SPATS2: variants seen among roughly 807,000 people sequenced by gnomAD.
SPATS2 encodes spermatogenesis associated serine rich 2.
A neutral mutation model predicts 63.7 loss-of-function variants in SPATS2; 38 were observed. The observed-to-expected ratio is 0.60, with a 90% confidence interval of 0.46 to 0.78. SPATS2 has a LOEUF of 0.78. Ranked by LOEUF, SPATS2 falls within the 30% of genes least tolerant of loss-of-function variation. SPATS2 has a pLI of 0.00. For synonymous variants in SPATS2, 207 were observed against 232.9 expected, an observed-to-expected ratio of 0.89 and a Z score of 1.01; for missense variants, 588 against 666.2, an observed-to-expected ratio of 0.88 and a Z score of 1.29.
chr12:49,521,137 C>A (rs1159209675), intron 11 of SPATS2, among the ~76,000 whole-genome samples: 1 of 152,202 alleles, frequency 6.6e-6, no homozygotes, highest in Non-Finnish European at 1.5e-5. Context: ...AAACTGCAAG[C>A]TGTAACAAAG....
At chr12:49,371,144 C>A (rs2137131831) in intron 1 of SPATS2, 84 bp from the exon 2 acceptor site, 1 of 152,366 alleles carries the variant, frequency 6.6e-6, no homozygotes, top group African/African-American at 2.4e-5. Flanking sequence ...TCACCACCAT[C>A]CATCTTGGGA....
chr12:49,381,643 T>G (rs954097757), intron 2 of SPATS2, among the ~76,000 whole-genome samples: 37 of 152,254 alleles, frequency 2.4e-4, no homozygotes, highest in Admixed American at 2.0e-4. Flanking sequence ...TGCCCTGTTA[T>G]GCGACATTTG....
chr12:49,403,397 G>A (rs986366164), intron 2 of SPATS2, among the ~76,000 whole-genome samples: 4 of 152,126 alleles, frequency 2.6e-5, no homozygotes, highest in Non-Finnish European at 5.9e-5. Context: ...GGAGGCCGAG[G>A]TGGGTGGATC....
At chr12:49,398,051 G>T (rs912232707) in intron 2 of SPATS2, among the ~76,000 whole-genome samples, 21 of 144,682 alleles carry the variant, frequency 1.5e-4, no homozygotes, top group Non-Finnish European at 4.5e-5. Flanking sequence ...TGAGGTGTGA[G>T]GATTGCTTGG....
At chr12:49,410,731 G>A (rs1408212448) in intron 2 of SPATS2, among the ~76,000 whole-genome samples, 1 of 151,914 alleles carries the variant, frequency 6.6e-6, no homozygotes, top group Non-Finnish European at 1.5e-5. Context: ...AGATGCTGGG[G>A]AATATAGTGG....
chr12:49,376,419 C>CA (rs1191774249), intron 2 of SPATS2, among the ~76,000 whole-genome samples: 1 of 151,000 alleles, frequency 6.6e-6, no homozygotes, highest in Non-Finnish European at 1.5e-5. Context: ...TTTTTTAAGT[C>CA]AGAGTCTTGC....
rs868346157 is a variant in SPATS2, at chr12:49,455,723, G to A, written c.-243-5047G>A. Among the ~76,000 whole-genome samples the A allele has an allele frequency of 5.9e-5, 9 of 152,332 alleles. No individual in the cohort carries two copies. The South Asian group carries it at 1.2e-3, about 21-fold the overall frequency. On this transcript the variant is annotated intron_variant, in intron 2 of 13. Transcript: ENST00000552918. The stretch of plus-strand genomic sequence containing the variant: ...TGCAGCCTCGACCTCCTGGGCTCAA[G>A]CCATCCTCCCACCTCACCCGCCTAA...
intron 13 of SPATS2, among the ~76,000 whole-genome samples, 195 bp from the exon 14 acceptor site, chr12:49,525,749 A>G (rs957050527): frequency 6.6e-6 from 1 of 152,226 alleles, no homozygotes; most frequent in Non-Finnish European, 1.5e-5. Flanking sequence ...CTGGGCATGA[A>G]GAGCAGGGAA....
intron 2 of SPATS2, among the ~76,000 whole-genome samples, chr12:49,453,016 G>A (rs1327161618): frequency 5.3e-5 from 8 of 152,080 alleles, no homozygotes; most frequent in Non-Finnish European, 7.4e-5. Flanking sequence ...AAAATTAGCC[G>A]GACGTGATGG....
At chr12:49,524,517 G>A (rs904721729) in intron 12 of SPATS2, among the ~76,000 whole-genome samples, 165 bp from the exon 13 acceptor site, 1 of 152,210 alleles carries the variant, frequency 6.6e-6, no homozygotes, top group Non-Finnish European at 1.5e-5. Flanking sequence ...GAGGAAGAGG[G>A]CAGAAGGGAG....
At chr12:49,410,275 C>T (rs1944774553) in intron 2 of SPATS2, among the ~76,000 whole-genome samples, 1 of 152,000 alleles carries the variant, frequency 6.6e-6, no homozygotes, top group Admixed American at 6.6e-5. Flanking sequence ...GGGGTTTCAC[C>T]ATGTTGGCCA....
At chr12:49,373,372 A>G (rs2137143467) in intron 2 of SPATS2, among the ~76,000 whole-genome samples, 1 of 152,196 alleles carries the variant, frequency 6.6e-6, no homozygotes, top group Admixed American at 6.5e-5. Context: ...CTCATATGCC[A>G]TTTTCTGGGG....
intron 2 of SPATS2, among the ~76,000 whole-genome samples, chr12:49,459,845 G>A (rs1186677551): frequency 6.8e-6 from 1 of 147,052 alleles, no homozygotes; most frequent in Non-Finnish European, 1.5e-5. Flanking sequence ...CCAGCACTTT[G>A]GGAGGCCGAG....
In SPATS2 at chr12:49,469,559, A is replaced by G. The variant is rs551366825; in HGVS notation, c.25+8522A>G. On this transcript the variant is annotated intron_variant, in intron 3 of 13. Coordinates refer to ENST00000552918, the MANE Select transcript of SPATS2 (RefSeq NM_023071.4). ...TGGGTCTCTAAAAAAAAAAAAAAAA[A>G]AAAAAGAAAAAACAAAGTAAAATAA... is the stretch of plus-strand genomic sequence containing the variant. 729 of 432,158 alleles carry G rather than the reference A, an allele frequency of 1.7e-3. 3 individuals are homozygous for G. The highest frequency in any genetic ancestry group is 6.1e-3 in the African/African-American group (294 of 47,924). 26.8% of individuals were successfully genotyped at this position (432,158 alleles called of 1,614,324 possible).
chr12:49,388,342 AC>A (rs1944356369), intron 2 of SPATS2, among the ~76,000 whole-genome samples: 1 of 151,786 alleles, frequency 6.6e-6, no homozygotes, highest in Non-Finnish European at 1.5e-5. Flanking sequence ...TTTCATTTAT[AC>A]TTGTTTTTTG....
chr12:49,448,091 AT>A (rs1438327321), intron 2 of SPATS2, among the ~76,000 whole-genome samples: 1 of 150,454 alleles, frequency 6.6e-6, no homozygotes, highest in Non-Finnish European at 1.5e-5. Context: ...TTAAGTACCA[AT>A]TTAGCTATAC....
At chr12:49,455,866 C>T (rs913578241) in intron 2 of SPATS2, among the ~76,000 whole-genome samples, 6 of 152,226 alleles carry the variant, frequency 3.9e-5, no homozygotes, top group Non-Finnish European at 7.3e-5. Flanking sequence ...AAGCAGTCCC[C>T]GCACCTTGGC....
intron 2 of SPATS2, among the ~76,000 whole-genome samples, chr12:49,453,861 T>C (rs1167117220): frequency 7.4e-6 from 1 of 135,296 alleles, no homozygotes; most frequent in East Asian, 2.0e-4. Context: ...GCATTCTTTT[T>C]TTTTTTTTTT....
intron 2 of SPATS2, among the ~76,000 whole-genome samples, chr12:49,377,416 C>CTT (rs1250538653): frequency 6.6e-6 from 1 of 152,170 alleles, no homozygotes; most frequent in Non-Finnish European, 1.5e-5. Flanking sequence ...ATATTTGATA[C>CTT]TTTCATCCTG....
Sources: allele counts gnomAD v4.1 joint callset (sites outside exome capture counted in the v4.1 genomes callset), GRCh38; gene constraint gnomAD v4.1.1; transcripts MANE v1.5; gene names NCBI Gene and HGNC (gene_info 2026-07-23, HGNC 2026-07-21).